SCTR: variants seen among roughly 807,000 people sequenced by gnomAD.
SCTR encodes the protein secretin receptor, also known as pancreatic secretin receptor.
SCTR carries 56 observed loss-of-function variants against 60.8 expected under a neutral mutation model. The ratio of observed to expected loss-of-function variants is 0.92; its 90% confidence interval spans 0.74 to 1.15. SCTR has a LOEUF of 1.15. Among genes scored for constraint, SCTR ranks in the 50% most tolerant of loss-of-function variants. The pLI, the probability that SCTR is intolerant of heterozygous loss-of-function variation, is 0.00. For synonymous variants in SCTR, 202 were observed against 217.0 expected (o/e 0.93, Z 0.61); for missense variants, 562 against 550.4 (o/e 1.02, Z -0.21).
At chr2:119,519,801 A>C (rs1347468671) in intron 1 of SCTR, among the ~76,000 whole-genome samples, 1 of 116,080 alleles carries the variant, frequency 8.6e-6, no homozygotes. Context: ...GTGAGATGAG[A>C]CTCTGTCTCA....
chr2:119,441,807 A>C (rs1204822573), intron 11 of SCTR: 2 of 559,532 alleles, frequency 3.6e-6, no homozygotes, highest in Non-Finnish European at 6.5e-6. Flanking sequence ...TAAACTGTGA[A>C]CTCCTTGCAG....
At chr2:119,494,405 A>T in intron 2 of SCTR, 23 bp downstream of exon 2, 2 of 1,611,768 alleles carry the variant, frequency 1.2e-6, no homozygotes, top group Non-Finnish European at 1.7e-6. Flanking sequence ...AAGAGAGGAC[A>T]TGGGCTGTGG....
At chr2:119,515,787 G>A (rs1394717486) in intron 1 of SCTR, among the ~76,000 whole-genome samples, 3 of 152,172 alleles carry the variant, frequency 2.0e-5, no homozygotes, top group African/African-American at 7.2e-5. Context: ...CATGTTGCTG[G>A]CAAGATGGAA....
At chr2:119,498,293 G>A (rs1002640279) in intron 1 of SCTR, among the ~76,000 whole-genome samples, 1 of 152,004 alleles carries the variant, frequency 6.6e-6, no homozygotes, top group Non-Finnish European at 1.5e-5. Context: ...GGAATGAAGG[G>A]GAAATCAAGA....
chr2:119,522,840 A>T (rs1340070301), intron 1 of SCTR, among the ~76,000 whole-genome samples: 4 of 152,120 alleles, frequency 2.6e-5, no homozygotes, highest in Non-Finnish European at 5.9e-5. Flanking sequence ...ATTTCTCCAA[A>T]TTGGGAGTCA....
chr2:119,497,336 C>T (rs192347129), intron 1 of SCTR, among the ~76,000 whole-genome samples: 1 of 150,924 alleles, frequency 6.6e-6, no homozygotes, highest in African/African-American at 2.5e-5. Context: ...CCATTCCCCC[C>T]ACTTCCCCTC....
chr2:119,443,839 G>A (rs566336022), intron 11 of SCTR, among the ~76,000 whole-genome samples: 4 of 152,264 alleles, frequency 2.6e-5, no homozygotes, highest in Admixed American at 2.0e-4. Flanking sequence ...GAGCCCCCGC[G>A]CCCGGCCATA....
chr2:119,470,703 G>T (rs2579630), intron 4 of SCTR, among the ~76,000 whole-genome samples: 125,345 of 152,102 alleles, frequency 0.82, 51,841 homozygotes, highest in East Asian at 0.87. Flanking sequence ...TTGTGTGGAT[G>T]TTTTTTCCTA....
At chr2:119,476,132 C>T (rs1204045508) in intron 3 of SCTR, among the ~76,000 whole-genome samples, 1 of 152,192 alleles carries the variant, frequency 6.6e-6, no homozygotes, top group Non-Finnish European at 1.5e-5. Flanking sequence ...TCACTGGGCG[C>T]TCCCCCTGGG....
intron 2 of SCTR, among the ~76,000 whole-genome samples, chr2:119,493,453 G>A (rs766729582): frequency 6.6e-6 from 1 of 152,122 alleles, no homozygotes; most frequent in Non-Finnish European, 1.5e-5. Context: ...AGAGAGCAAA[G>A]ATGAGACGTT....
rs897559061 is a variant in SCTR at position 119,506,684 on chromosome 2, C to A, written c.73-12136G>T. On this transcript the variant is annotated intron_variant, in intron 1 of 12. Transcript: ENST00000019103. ...TTTGTAGAAATGGGGTCTCTGTTCC[C>A]AGGCTGATCTTGAACTCTTGGCCTC... 2.0e-5 allele frequency among the ~76,000 whole-genome samples: 3 copies of A among 151,992 alleles called. No individual in the cohort carries two copies. The South Asian group carries it at 6.2e-4, about 32-fold the overall frequency.
chr2:119,463,835 T>A (rs1407203848), intron 6 of SCTR, among the ~76,000 whole-genome samples: 1 of 150,636 alleles, frequency 6.6e-6, no homozygotes, highest in African/African-American at 2.4e-5. Context: ...AAAAGAGGAG[T>A]CTCCCTATAT....
At chr2:119,521,167 A>G (rs1679275547) in intron 1 of SCTR, among the ~76,000 whole-genome samples, 2 of 152,192 alleles carry the variant, frequency 1.3e-5, no homozygotes, top group African/African-American at 4.8e-5. Context: ...TTAACTCACT[A>G]AGGTTAACAA....
intron 3 of SCTR, among the ~76,000 whole-genome samples, chr2:119,475,348 G>A (rs1007186762): frequency 2.0e-5 from 3 of 152,106 alleles, no homozygotes; most frequent in African/African-American, 2.4e-5. Context: ...CTGTGGGCTC[G>A]CCCAGGGCAG....
At chr2:119,460,826 T>A (rs576844993) in intron 7 of SCTR, among the ~76,000 whole-genome samples, 2 of 152,352 alleles carry the variant, frequency 1.3e-5, no homozygotes, top group Admixed American at 6.5e-5. Context: ...GGAAGTCATG[T>A]GGTTTGAGTA....
chr2:119,503,723 G>A (rs1262221039), intron 1 of SCTR, among the ~76,000 whole-genome samples: 2 of 152,042 alleles, frequency 1.3e-5, no homozygotes, highest in African/African-American at 4.8e-5. Context: ...TGTAATAGCG[G>A]ATACATGTCA....
intron 4 of SCTR, among the ~76,000 whole-genome samples, chr2:119,472,298 G>A (rs1411713720): frequency 3.3e-5 from 5 of 152,238 alleles, no homozygotes; most frequent in East Asian, 1.9e-4. Context: ...GGATGGGCCC[G>A]AGGGGAGTCT....
chr2:119,441,855 G>T (rs893977618), intron 11 of SCTR, among the ~76,000 whole-genome samples: 1 of 135,290 alleles, frequency 7.4e-6, no homozygotes, highest in African/African-American at 3.9e-5. Context: ...TATGGTGTCA[G>T]GGGGGCTGCT....
At chr2:119,446,108 GC>G (rs1258383734) in intron 11 of SCTR, among the ~76,000 whole-genome samples, 6 of 152,308 alleles carry the variant, frequency 3.9e-5, no homozygotes, top group African/African-American at 1.2e-4. Context: ...TAGTAGGTAA[GC>G]GCTTTTCCAC....
Sources: gnomAD v4.1 joint callset for allele counts (sites outside exome capture counted in the v4.1 genomes callset) on GRCh38, gnomAD v4.1.1 for gene constraint, MANE v1.5 for transcripts, NCBI Gene and HGNC (gene_info 2026-07-23, HGNC 2026-07-21) for gene names.